LATS1: variants seen among roughly 807,000 people sequenced by gnomAD.
LATS1 encodes serine/threonine-protein kinase LATS1.
Under a neutral mutation model 106.6 loss-of-function variants are expected in LATS1, and 25 were observed. The observed-to-expected ratio is 0.23, with a 90% CI of 0.17 to 0.33. LATS1 has a LOEUF of 0.33. Ranked by LOEUF, LATS1 falls within the 10% of genes least tolerant of loss-of-function variation. The pLI is 1.00. For missense variants in LATS1, 1,040 were observed against 1,382.6 expected (o/e 0.75, Z 3.93); for synonymous variants, 465 against 455.6 (o/e 1.02, Z -0.26).
chr6:149,686,333 G>C (rs1030160443), intron 3 of LATS1, among the ~76,000 whole-genome samples: 2 of 152,146 alleles, frequency 1.3e-5, no homozygotes, highest in African/African-American at 4.8e-5. Flanking sequence ...TGGCCATCAG[G>C]CTCTTTCTCA....
chr6:149,688,041 AGG>A, intron 3 of LATS1, among the ~76,000 whole-genome samples: 1 of 150,462 alleles, frequency 6.6e-6, no homozygotes, highest in East Asian at 2.0e-4. Context: ...CGCCCAGCTA[AGG>A]TTTTTGTATT....
At chr6:149,703,194 C>T (rs1485226892) in intron 1 of LATS1, among the ~76,000 whole-genome samples, 3 of 152,002 alleles carry the variant, frequency 2.0e-5, no homozygotes, top group South Asian at 2.1e-4. Flanking sequence ...AGGCTGGTCT[C>T]GAACTCCTGG....
intron 1 of LATS1, among the ~76,000 whole-genome samples, chr6:149,709,524 T>G (rs548478455): frequency 5.3e-5 from 8 of 152,258 alleles, no homozygotes; most frequent in African/African-American, 1.7e-4. Context: ...ACATTTACAA[T>G]GTATTATCTC....
At chr6:149,663,377 G>A (rs1005433288) in intron 7 of LATS1, among the ~76,000 whole-genome samples, 1 of 152,114 alleles carries the variant, frequency 6.6e-6, no homozygotes, top group African/African-American at 2.4e-5. Context: ...AGCTACTTGA[G>A]GTGGGAGGAT....
At chr6:149,689,838 G>A (rs1296171993) in intron 3 of LATS1, among the ~76,000 whole-genome samples, 1 of 152,118 alleles carries the variant, frequency 6.6e-6, no homozygotes, top group Non-Finnish European at 1.5e-5. Context: ...AGTCCCTCAT[G>A]CTATGCTTTG....
chr6:149,697,019 T>TA, intron 2 of LATS1: 6 of 595,058 alleles, frequency 1.0e-5, no homozygotes, highest in Non-Finnish European at 1.1e-5. Context: ...ATGTTTTATA[T>TA]AAACATAAAT....
At position 149,660,857 on chromosome 6, in the gene LATS1, A is replaced by G. The variant is rs1363626240; in HGVS notation, c.*872T>C. ...GGAAACAGGTAACATTGATGATATA[A>G]TCAAAATAGTTACTATACAGGAAAA... On this transcript the variant is annotated 3_prime_UTR_variant, in exon 8 of 8. Coordinates refer to ENST00000543571, the MANE Select transcript of LATS1 (RefSeq NM_004690.4). 3 of 211,740 alleles carry G rather than the reference A, an allele frequency of 1.4e-5. No homozygotes were observed. Among genetic ancestry groups the G allele is most frequent in the African/African-American group, 6.8e-5 (3 of 44,174 alleles). The allele number at this position is 211,740 out of a possible 1,614,324, so 13.1% of individuals were successfully genotyped here.
At chr6:149,691,821 A>C (rs1303914812) in intron 3 of LATS1, among the ~76,000 whole-genome samples, 2 of 151,992 alleles carry the variant, frequency 1.3e-5, no homozygotes, top group Non-Finnish European at 2.9e-5. Flanking sequence ...GATCTTTCCC[A>C]CCCAATTCCA....
intron 7 of LATS1, among the ~76,000 whole-genome samples, chr6:149,673,712 C>T (rs1224173819): frequency 1.4e-5 from 2 of 147,750 alleles, no homozygotes; most frequent in African/African-American, 5.0e-5. Flanking sequence ...CTCACTCTGT[C>T]GCCCAGGCTG....
intron 1 of LATS1, among the ~76,000 whole-genome samples, chr6:149,714,775 C>T (rs915260826): frequency 2.6e-5 from 4 of 151,978 alleles, no homozygotes; most frequent in Non-Finnish European, 5.9e-5. Flanking sequence ...ATTAACTAAC[C>T]GAAGTAATTC....
intron 4 of LATS1, chr6:149,682,841 T>C: frequency 1.9e-6 from 1 of 523,214 alleles, no homozygotes; most frequent in South Asian, 3.2e-5. Flanking sequence ...CCGCAAATTA[T>C]ATTTTTCTTA....
At chr6:149,702,799 A>G (rs1269456791) in intron 1 of LATS1, among the ~76,000 whole-genome samples, 4 of 151,734 alleles carry the variant, frequency 2.6e-5, no homozygotes, top group African/African-American at 4.8e-5. Flanking sequence ...AGCCTCCCCA[A>G]TAGCTGGGAT....
chr6:149,707,647 A>AATG (rs779797490), intron 1 of LATS1, among the ~76,000 whole-genome samples: 3 of 152,202 alleles, frequency 2.0e-5, no homozygotes, highest in Non-Finnish European at 4.4e-5. Context: ...TATGTGTAAC[A>AATG]ATGTGTTTTA....
intron 1 of LATS1, among the ~76,000 whole-genome samples, chr6:149,710,381 G>A (rs1007028435): frequency 3.9e-5 from 6 of 152,166 alleles, no homozygotes; most frequent in Non-Finnish European, 4.4e-5. Flanking sequence ...TCTCTGAGTC[G>A]TCCCGAATTG....
chr6:149,687,133 C>T (rs949291808), intron 3 of LATS1, among the ~76,000 whole-genome samples: 13 of 151,920 alleles, frequency 8.6e-5, no homozygotes, highest in Non-Finnish European at 1.3e-4. Flanking sequence ...CTCTGTCGCC[C>T]AGGCTGGAGC....
rs1781972479 is a variant in LATS1, at chr6:149,680,462, G to A, written c.2011-5C>T. On this transcript the variant is annotated splice_polypyrimidine_tract_variant and splice_region_variant and intron_variant, in intron 4 of 7. Coordinates refer to ENST00000543571, the MANE Select transcript of LATS1 (RefSeq NM_004690.4). ...GGCATCTTGAGATAATCCAACCTAG[G>A]CAAATAAACTAGATGTTAAATAAGA... The A allele has an allele frequency of 7.7e-6, 12 of 1,559,942 alleles. No individual in the cohort carries two copies. The highest frequency in any genetic ancestry group is 1.9e-5 in the Admixed American group (1 of 51,904).
rs1780868424 is a variant in LATS1 at position 149,661,183 on chromosome 6, C to T, written c.*546G>A. The T allele has an allele frequency of 4.4e-6, 1 of 224,994 alleles. No individual in the cohort carries two copies. Among genetic ancestry groups the T allele is most frequent in the South Asian group, 1.8e-4 (1 of 5,436 alleles). 13.9% of individuals were successfully genotyped at this position (224,994 alleles called of 1,614,324 possible). Reference sequence around the variant, plus strand: ...ATTAATATTTTTTCAACCCTGTATTCCTTAGTTTCAGGATGTGAATTATAC... The same window carrying T: ...ATTAATATTTTTTCAACCCTGTATTTCTTAGTTTCAGGATGTGAATTATAC... On this transcript the variant is annotated 3_prime_UTR_variant, in exon 8 of 8. Coordinates refer to ENST00000543571, the MANE Select transcript of LATS1 (RefSeq NM_004690.4).
rs1409951140 is a variant in LATS1, at chr6:149,684,092, G to A, written c.997C>T (p.Gln333Ter). ...GGAAAGTTAAATTTGCTAGAACTCT[G>A]CATGATGATTGGTTGTCTGCCAACA... The part of the protein sequence containing the change: ...VPVGRQPIIM[Q>*]SSSKFNFPSG... The change falls in exon 4 of 8, where the codon CAG becomes TAG. Residue 333 changes from glutamine to a stop codon, truncating the protein, a stop_gained. Transcript: ENST00000543571. LOFTEE classifies it high-confidence loss of function. The A allele has an allele frequency of 6.2e-7, 1 of 1,614,174 alleles. No homozygotes were observed. The highest frequency in any genetic ancestry group is 8.5e-7 in the Non-Finnish European group (1 of 1,180,042).
At chr6:149,707,584 G>A (rs927713464) in intron 1 of LATS1, among the ~76,000 whole-genome samples, 1 of 152,144 alleles carries the variant, frequency 6.6e-6, no homozygotes, top group African/African-American at 2.4e-5. Flanking sequence ...ATAGGCTGAT[G>A]TAACTCCTAA....
Sources: allele counts gnomAD v4.1 joint callset (sites outside exome capture counted in the v4.1 genomes callset), GRCh38; gene constraint gnomAD v4.1.1; transcripts MANE v1.5; gene names NCBI Gene and HGNC (gene_info 2026-07-23, HGNC 2026-07-21).